ANKRD63: variants seen among roughly 807,000 people sequenced by gnomAD.
The protein encoded by ANKRD63 is ankyrin repeat domain 63, also known as ankyrin repeat domain-containing protein 63.
Under a neutral mutation model 21.2 loss-of-function variants are expected in ANKRD63, and 18 were observed. That is an observed-to-expected ratio of 0.85 (90% CI 0.59 to 1.26). The LOEUF is 1.26. Among genes scored for constraint, ANKRD63 ranks in the 50% most tolerant of loss-of-function variants. The pLI is 0.00. For synonymous variants in ANKRD63, 322 were observed against 273.3 expected (o/e 1.18, Z -1.76); for missense variants, 523 against 570.9 (o/e 0.92, Z 0.85).
rs2039536371 is a variant in ANKRD63, at chr15:40,281,108, G to C, written c.*336C>G. Among the ~76,000 whole-genome samples the C allele has an allele frequency of 2.6e-5, 4 of 152,230 alleles. No homozygotes were observed. Among genetic ancestry groups the C allele is most frequent in the Admixed American group, 2.0e-4 (3 of 15,278 alleles). ...CCAGTTGTTGGGAAACCCAGCGAGG[G>C]GAGGGGGGCCGGACAGGAGCGACAG... On this transcript the variant is annotated 3_prime_UTR_variant, in exon 1 of 1. Transcript: ENST00000434396.
chr15:40,281,880 G>T lies in ANKRD63; in HGVS notation c.707C>A (p.Ala236Glu), dbSNP rs2141003915. Residue 236 changes from alanine (A) to glutamate (E), a missense_variant, in exon 1 of 1, where the codon GCG (alanine) becomes GAG (glutamate). Ala to Glu is a moderately radical substitution (Grantham distance 107). Coordinates refer to ENST00000434396, the MANE Select transcript of ANKRD63 (RefSeq NM_001190479.3). ...AGGHGGEAGS[A>E]GKNSGRHRAQ... ...CCGGTGCCGGCCCGAATTCTTGCCC[G>T]CTGAGCCAGCCTCGCCGCCGTGGCC... 1 of 1,468,856 alleles carries T rather than the reference G, an allele frequency of 6.8e-7. No individual in the cohort carries two copies. The highest frequency in any genetic ancestry group is 1.5e-5 in the African/African-American group (1 of 68,300). The allele number at this position is 1,468,856 out of a possible 1,614,324, so 91.0% of individuals were successfully genotyped here. A position where few individuals can be genotyped will look rare whatever the true frequency, so the allele number is the denominator to read the frequency against.
Position 40,281,434 on chromosome 15 carries a change from T to C in ANKRD63, c.*10A>G. 7.2e-7 allele frequency: 1 copy of C among 1,386,138 alleles called. No individual in the cohort carries two copies. Among genetic ancestry groups the C allele is most frequent in the Non-Finnish European group, 9.3e-7 (1 of 1,074,840 alleles). The allele number at this position is 1,386,138 out of a possible 1,614,324, so 85.9% of individuals were successfully genotyped here. A position where few individuals can be genotyped will look rare whatever the true frequency, so the allele number is the denominator to read the frequency against. ...GGGTAGGGGAAGCAGGCCTCGGGCC[T>C]TGGCGCCGTTTACCGCTGAGCACGC... is the stretch of plus-strand genomic sequence containing the variant. On this transcript the variant is annotated 3_prime_UTR_variant, in exon 1 of 1. Transcript: ENST00000434396.
At position 40,279,200 on chromosome 15, in the gene ANKRD63, C is replaced by T. The variant is rs1332604867; in HGVS notation, c.*2244G>A. Among the ~76,000 whole-genome samples, 1 of 152,104 alleles carries T rather than the reference C, an allele frequency of 6.6e-6. No homozygotes were observed. The highest frequency in any genetic ancestry group is 1.9e-4 in the East Asian group (1 of 5,192). ...TTGGGAGAAGAGGGGAGGGAGAGGGCAGAATACCTCAGAAACCAAAGCTAG... is the reference window on the plus strand; with the variant it reads ...TTGGGAGAAGAGGGGAGGGAGAGGGTAGAATACCTCAGAAACCAAAGCTAG... On this transcript the variant is annotated 3_prime_UTR_variant, in exon 1 of 1. Transcript: ENST00000434396.
At position 40,281,616 on chromosome 15, in the gene ANKRD63, C is replaced by T; in HGVS notation, c.971G>A (p.Arg324His). ...PHPEGGPGSG[R>H]LGLRRRSTAP... ...TGTGGAGCGTCGGCGCAAACCCAGGCGGCCAGAGCCGGGGCCGCCCTCCGG... is the reference window on the plus strand; with the variant it reads ...TGTGGAGCGTCGGCGCAAACCCAGGTGGCCAGAGCCGGGGCCGCCCTCCGG... The change falls in exon 1 of 1, where the codon CGC becomes CAC. Residue 324 changes from arginine to histidine, a missense_variant. Physicochemically the swap from Arg to His is conservative, Grantham distance 29. Around this residue, in one of 2 missense-constraint regions of ANKRD63, gnomAD observed 308 missense variants for 290.4 expected, o/e 1.06. Transcript: ENST00000434396. 1 of 1,526,680 alleles carries T rather than the reference C, an allele frequency of 6.6e-7. No homozygotes were observed. The allele number at this position is 1,526,680 out of a possible 1,614,324, so 94.6% of individuals were successfully genotyped here.
rs1337859533 is a variant in ANKRD63 at position 40,281,240 on chromosome 15, G to T, written c.*204C>A. ...AATCGACACCTCTAGACCTAGGCAG[G>T]GAATACCGAGGAGCACAAAAAAGAA... On this transcript the variant is annotated 3_prime_UTR_variant, in exon 1 of 1. Coordinates refer to ENST00000434396, the MANE Select transcript of ANKRD63 (RefSeq NM_001190479.3). Among the ~76,000 whole-genome samples, 4 of 152,204 alleles carry T rather than the reference G, an allele frequency of 2.6e-5. No individual in the cohort carries two copies. The highest frequency in any genetic ancestry group is 9.7e-5 in the African/African-American group (4 of 41,444).
At position 40,280,988 on chromosome 15, in the gene ANKRD63, G is replaced by A. The variant is rs1052115210; in HGVS notation, c.*456C>T. 6.6e-6 allele frequency among the ~76,000 whole-genome samples: 1 copy of A among 152,234 alleles called. No homozygotes were observed. Among genetic ancestry groups the A allele is most frequent in the African/African-American group, 2.4e-5 (1 of 41,452 alleles). On this transcript the variant is annotated 3_prime_UTR_variant, in exon 1 of 1. Transcript: ENST00000434396. ...CACACTTGGAGGGAAAGGAGACTTT[G>A]GTAGTTTGTGGGATTATTGTCAGCA...
Position 40,279,532 on chromosome 15 carries a change from C to T in ANKRD63, c.*1912G>A, listed in dbSNP as rs544618515. Among the ~76,000 whole-genome samples the T allele has an allele frequency of 6.6e-6, 1 of 152,310 alleles. No individual in the cohort carries two copies. Among genetic ancestry groups the T allele is most frequent in the South Asian group, 2.1e-4 (1 of 4,828 alleles). ...AAAGAAAACCAGGATGTCTGAGCTC[C>T]GAGCCGGGGCGCAGCGGGGAGGGCC... On this transcript the variant is annotated 3_prime_UTR_variant, in exon 1 of 1. Transcript: ENST00000434396.
Position 40,278,889 on chromosome 15 carries a change from G to A in ANKRD63, c.*2555C>T, listed in dbSNP as rs1309777205. 2.6e-5 allele frequency among the ~76,000 whole-genome samples: 4 copies of A among 152,166 alleles called. No homozygotes were observed. Among genetic ancestry groups the A allele is most frequent in the Admixed American group, 6.5e-5 (1 of 15,288 alleles). ...CAGGGTGACATTCAACCAGAAAGCC[G>A]TATATCAGAGATACTGGAAAGATTA... On this transcript the variant is annotated 3_prime_UTR_variant, in exon 1 of 1. Coordinates refer to ENST00000434396, the MANE Select transcript of ANKRD63 (RefSeq NM_001190479.3).
Position 40,281,516 on chromosome 15 carries a change from C to A in ANKRD63, c.1071G>T (p.Leu357=). ...GGTTCGGCCCAGGCACCGAGACAGACAGAGCGTTGGCCTCTAACTCCGGGC... is the reference window on the plus strand; with the variant it reads ...GGTTCGGCCCAGGCACCGAGACAGAAAGAGCGTTGGCCTCTAACTCCGGGC... ...ESGPELEANA[L]SVSVPGPNPW... The change falls in exon 1 of 1, where the codon CTG becomes CTT. Residue 357 remains leucine, a synonymous_variant. Coordinates refer to ENST00000434396, the MANE Select transcript of ANKRD63 (RefSeq NM_001190479.3). The A allele has an allele frequency of 6.6e-7, 1 of 1,510,616 alleles. No individual in the cohort carries two copies. Among genetic ancestry groups the A allele is most frequent in the Non-Finnish European group, 8.8e-7 (1 of 1,133,738 alleles). The allele number at this position is 1,510,616 out of a possible 1,614,324, so 93.6% of individuals were successfully genotyped here.
chr15:40,279,652 G>C lies in ANKRD63; in HGVS notation c.*1792C>G, dbSNP rs2039520091. On this transcript the variant is annotated 3_prime_UTR_variant, in exon 1 of 1. Transcript: ENST00000434396. ...GCAAGCGGAGGGCAAGGACTGGATA[G>C]GTGTCCTGACACCTGCACGAGGCCC... Among the ~76,000 whole-genome samples, 1 of 152,246 alleles carries C rather than the reference G, an allele frequency of 6.6e-6. No homozygotes were observed. The highest frequency in any genetic ancestry group is 2.1e-4 in the South Asian group (1 of 4,836).
chr15:40,282,294 T>C lies in ANKRD63; in HGVS notation c.293A>G (p.Asp98Gly). 2 of 1,519,144 alleles carry C rather than the reference T, an allele frequency of 1.3e-6. No homozygotes were observed. Among genetic ancestry groups the C allele is most frequent in the Non-Finnish European group, 1.8e-6 (2 of 1,141,074 alleles). 94.1% of individuals were successfully genotyped at this position (1,519,144 alleles called of 1,614,324 possible). A position where few individuals can be genotyped will look rare whatever the true frequency, so the allele number is the denominator to read the frequency against. The change falls in exon 1 of 1, where the codon GAC (aspartate) becomes GGC (glycine). Residue 98 changes from aspartate to glycine, a missense_variant. By Grantham distance (94) the Asp-to-Gly change is moderately conservative. Around this residue, in one of 2 missense-constraint regions of ANKRD63, gnomAD observed 215 missense variants for 280.4 expected, o/e 0.77. Transcript: ENST00000434396. ...GAACTGCACCAGCAGCTGCACGGCG[T>C]CCAGGTGGCCTCGCTCGCACGCCAG... ...LSLACERGHL[D>G]AVQLLVQFSG...
rs1202969819 is a variant in ANKRD63, at chr15:40,281,906, G to C, written c.681C>G (p.Gly227=). ...CTGAGCCAGCCTCGCCGCCGTGGCC[G>C]CCCGCCGCTCGCGCAAAGCGCGCCA... The part of the protein sequence containing the change: ...PLLARFARAA[G]GHGGEAGSAG... The change falls in exon 1 of 1, where the codon GGC becomes GGG. Residue 227 remains glycine, a synonymous_variant. Coordinates refer to ENST00000434396, the MANE Select transcript of ANKRD63 (RefSeq NM_001190479.3). 5.7e-6 allele frequency: 8 copies of C among 1,404,612 alleles called. No homozygotes were observed. In the African/African-American group the frequency reaches 9.1e-5, roughly 16 times the overall value. The allele number at this position is 1,404,612 out of a possible 1,614,324, so 87.0% of individuals were successfully genotyped here.
In ANKRD63 at chr15:40,280,793, T is replaced by C. The variant is rs568365055; in HGVS notation, c.*651A>G. On this transcript the variant is annotated 3_prime_UTR_variant, in exon 1 of 1. Transcript: ENST00000434396. ...GGAGCTGGAGTTACCCAGGAGCTGA[T>C]TCAAGGGACAACTGGTGTTCAACAC... is the stretch of plus-strand genomic sequence containing the variant. Among the ~76,000 whole-genome samples, 12 of 152,326 alleles carry C rather than the reference T, an allele frequency of 7.9e-5. No individual in the cohort carries two copies. The highest frequency in any genetic ancestry group is 7.2e-4 in the Admixed American group (11 of 15,302).
At position 40,281,370 on chromosome 15, in the gene ANKRD63, G is replaced by T; in HGVS notation, c.*74C>A. 1 of 1,254,844 alleles carries T rather than the reference G, an allele frequency of 8.0e-7. No homozygotes were observed. The highest frequency in any genetic ancestry group is 1.0e-6 in the Non-Finnish European group (1 of 975,940). 77.7% of individuals were successfully genotyped at this position (1,254,844 alleles called of 1,614,324 possible). On this transcript the variant is annotated 3_prime_UTR_variant, in exon 1 of 1. Transcript: ENST00000434396. ...GGGGGCGGCTGCCGAAAAGGTGAGG[G>T]ACCTAGAAGAGAGAAATACCAGTGG... is the stretch of plus-strand genomic sequence containing the variant.
Position 40,278,611 on chromosome 15 carries a change from G to C in ANKRD63, c.*2833C>G, listed in dbSNP as rs1166471519. ...TCTGAAGGTAGAGATTGCTAGAGAG[G>C]ACCCAGCCTCAACACCCTGGGGCTG... On this transcript the variant is annotated 3_prime_UTR_variant, in exon 1 of 1. Transcript: ENST00000434396. 2.0e-5 allele frequency among the ~76,000 whole-genome samples: 3 copies of C among 152,128 alleles called. No individual in the cohort carries two copies. The highest frequency in any genetic ancestry group is 4.4e-5 in the Non-Finnish European group (3 of 68,022).
In ANKRD63 at chr15:40,282,894, C is replaced by A. The variant is rs1595614544; in HGVS notation, c.-308G>T. On this transcript the variant is annotated 5_prime_UTR_variant, in exon 1 of 1. Transcript: ENST00000434396. ...CCAGACGTCGGGAGCAGAGACTCGACCCTCTCCCGAGTCTCTCGCCGCTTT... is the reference window on the plus strand; with the variant it reads ...CCAGACGTCGGGAGCAGAGACTCGAACCTCTCCCGAGTCTCTCGCCGCTTT... Among the ~76,000 whole-genome samples, 1 of 152,200 alleles carries A rather than the reference C, an allele frequency of 6.6e-6. No individual in the cohort carries two copies. The highest frequency in any genetic ancestry group is 1.9e-4 in the East Asian group (1 of 5,164).
In ANKRD63 at chr15:40,282,685, CCT is replaced by C; in HGVS notation, c.-101_-100del. ...TCCGGCCTCCGCCCGCGCTCTGATA[CCT>C]CTCCCTCCGCGCGTGGGCGGCTGCA... On this transcript the variant is annotated 5_prime_UTR_variant, in exon 1 of 1. Coordinates refer to ENST00000434396, the MANE Select transcript of ANKRD63 (RefSeq NM_001190479.3). The C allele has an allele frequency of 1.1e-6, 1 of 925,772 alleles. No individual in the cohort carries two copies. Among genetic ancestry groups the C allele is most frequent in the Non-Finnish European group, 1.5e-6 (1 of 677,682 alleles). The allele number at this position is 925,772 out of a possible 1,614,324, so 57.3% of individuals were successfully genotyped here.
In ANKRD63 at chr15:40,282,900, C is replaced by G. The variant is rs555165440; in HGVS notation, c.-314G>C. ...GTCGGGAGCAGAGACTCGACCCTCT[C>G]CCGAGTCTCTCGCCGCTTTCCCGGT... is the stretch of plus-strand genomic sequence containing the variant. On this transcript the variant is annotated 5_prime_UTR_variant, in exon 1 of 1. Coordinates refer to ENST00000434396, the MANE Select transcript of ANKRD63 (RefSeq NM_001190479.3). Among the ~76,000 whole-genome samples the G allele has an allele frequency of 4.9e-3, 746 of 152,304 alleles. 7 individuals are homozygous for G. Among genetic ancestry groups the G allele is most frequent in the African/African-American group, 0.017 (714 of 41,576 alleles).
Position 40,282,142 on chromosome 15 carries a change from G to C in ANKRD63, c.445C>G (p.Arg149Gly). ...GCGGTGAGCCCCGCACGGTTGGTGCGGTCGAGGCGCAGGCCTAGGCGGCGG... is the reference window on the plus strand; with the variant it reads ...GCGGTGAGCCCCGCACGGTTGGTGCCGTCGAGGCGCAGGCCTAGGCGGCGG... Reference protein sequence around the residue: ...SFRRLGLRLDRTNRAGLTALQ... With the variant: ...SFRRLGLRLDGTNRAGLTALQ... The change falls in exon 1 of 1, where the codon CGC becomes GGC. Residue 149 changes from arginine to glycine, a missense_variant. Physicochemically the swap from Arg to Gly is moderately radical, Grantham distance 125. Transcript: ENST00000434396. 1 of 1,470,736 alleles carries C rather than the reference G, an allele frequency of 6.8e-7. No homozygotes were observed. Among genetic ancestry groups the C allele is most frequent in the Non-Finnish European group, 8.9e-7 (1 of 1,120,562 alleles). 91.1% of individuals were successfully genotyped at this position (1,470,736 alleles called of 1,614,324 possible). A position where few individuals can be genotyped will look rare whatever the true frequency, so the allele number is the denominator to read the frequency against.
Sources: allele counts gnomAD v4.1 joint callset (sites outside exome capture counted in the v4.1 genomes callset), GRCh38; gene constraint gnomAD v4.1.1; regional missense constraint gnomAD v4.1.1; transcripts MANE v1.5; gene names NCBI Gene and HGNC (gene_info 2026-07-23, HGNC 2026-07-21).